Variants in SEMA3E observed in about 807,000 individuals in gnomAD.
SEMA3E encodes semaphorin-3E.
Under a neutral mutation model 93.6 loss-of-function variants are expected in SEMA3E, and 49 were observed. That is an observed-to-expected ratio of 0.52 (90% CI 0.42 to 0.66). The LOEUF (loss-of-function observed/expected upper bound fraction) is 0.66, where lower values mean the gene tolerates loss of function less well. SEMA3E is among the 30% of genes least tolerant of loss of function. The pLI, the probability that SEMA3E is intolerant of heterozygous loss-of-function variation, is 0.00. For missense variants in SEMA3E, 906 were observed against 964.8 expected (o/e 0.94, Z 0.81); for synonymous variants, 363 against 330.7 (o/e 1.10, Z -1.06).
chr7:83,457,189 G>A (rs754707412), intron 4 of SEMA3E, among the ~76,000 whole-genome samples: 3 of 152,066 alleles, frequency 2.0e-5, no homozygotes, highest in Non-Finnish European at 4.4e-5. Context: ...GAAAGTGAGA[G>A]TGAGAAAAGA....
At chr7:83,615,540 G>T (rs553864844) in intron 1 of SEMA3E, among the ~76,000 whole-genome samples, 2 of 152,006 alleles carry the variant, frequency 1.3e-5, no homozygotes, top group African/African-American at 4.8e-5. Flanking sequence ...GAAGAAAGAT[G>T]TTTTTATTTT....
intron 4 of SEMA3E, among the ~76,000 whole-genome samples, chr7:83,446,679 G>A (rs2713175): frequency 0.98 from 149,268 of 152,334 alleles, 73,209 homozygotes; most frequent in Middle Eastern, 1. Context: ...GTTTTACAAA[G>A]TGCATCAATA....
At chr7:83,453,052 G>C (rs1328432741) in intron 4 of SEMA3E, among the ~76,000 whole-genome samples, 1 of 151,908 alleles carries the variant, frequency 6.6e-6, no homozygotes, top group Non-Finnish European at 1.5e-5. Flanking sequence ...ATTTGAGATG[G>C]AGTCTTACTC....
At chr7:83,622,873 G>C (rs1176187104) in intron 1 of SEMA3E, among the ~76,000 whole-genome samples, 1 of 151,602 alleles carries the variant, frequency 6.6e-6, no homozygotes, top group African/African-American at 2.4e-5. Context: ...AACAACTAAT[G>C]GGTGCTGGGC....
intron 1 of SEMA3E, among the ~76,000 whole-genome samples, chr7:83,623,681 T>C (rs190885712): frequency 5.3e-5 from 8 of 152,288 alleles, no homozygotes; most frequent in Admixed American, 2.0e-4. Context: ...ACCATATTTT[T>C]AGAACACAAT....
chr7:83,449,664 C>T (rs1024160887), intron 4 of SEMA3E, among the ~76,000 whole-genome samples: 3 of 152,070 alleles, frequency 2.0e-5, no homozygotes, highest in African/African-American at 4.8e-5. Flanking sequence ...TCGGACTTAA[C>T]TTGATTGTCA....
At chr7:83,451,621 T>C (rs1291310069) in intron 4 of SEMA3E, among the ~76,000 whole-genome samples, 3 of 152,224 alleles carry the variant, frequency 2.0e-5, no homozygotes, top group Non-Finnish European at 1.5e-5. Flanking sequence ...GCAAAAAGCC[T>C]GGGTGCAAGT....
chr7:83,623,331 T>C (rs932722161), intron 1 of SEMA3E, among the ~76,000 whole-genome samples: 1 of 152,062 alleles, frequency 6.6e-6, no homozygotes, highest in Non-Finnish European at 1.5e-5. Context: ...TGAGATAAAA[T>C]GGAGGAAGCA....
At chr7:83,377,345 C>T (rs2099832518) in intron 16 of SEMA3E, among the ~76,000 whole-genome samples, 1 of 151,862 alleles carries the variant, frequency 6.6e-6, no homozygotes, top group Admixed American at 6.6e-5. Context: ...TTCATTTCAG[C>T]CTTTAAATCA....
At chr7:83,497,376 G>A (rs1790508950) in intron 1 of SEMA3E, among the ~76,000 whole-genome samples, 1 of 152,088 alleles carries the variant, frequency 6.6e-6, no homozygotes, top group Non-Finnish European at 1.5e-5. Flanking sequence ...CACCTGCCAA[G>A]TAAAGACTTC....
chr7:83,459,631 T>A (rs990171068), intron 4 of SEMA3E, among the ~76,000 whole-genome samples: 1 of 152,198 alleles, frequency 6.6e-6, no homozygotes, highest in African/African-American at 2.4e-5. Flanking sequence ...TTAGTTAATC[T>A]ACAACTAGGA....
At chr7:83,588,923 G>A (rs1021418261) in intron 1 of SEMA3E, among the ~76,000 whole-genome samples, 2 of 152,020 alleles carry the variant, frequency 1.3e-5, no homozygotes, top group African/African-American at 4.8e-5. Context: ...CCCAAGAAAG[G>A]CTGAAAAGCT....
chr7:83,629,879 C>A (rs182383529), intron 1 of SEMA3E, among the ~76,000 whole-genome samples: 59 of 152,310 alleles, frequency 3.9e-4, no homozygotes, highest in African/African-American at 1.4e-3. Flanking sequence ...GCCCACACAG[C>A]CACCCAGCTT....
chr7:83,596,286 A>C (rs1792870543), intron 1 of SEMA3E, among the ~76,000 whole-genome samples: 1 of 151,828 alleles, frequency 6.6e-6, no homozygotes, highest in Non-Finnish European at 1.5e-5. Context: ...TTTTGAGCAC[A>C]TTAATGCTCT....
rs1794651753 is a variant in SEMA3E at position 83,365,430 on chromosome 7, TA to T, written c.*2155del. 1 of 152,212 alleles carries T rather than the reference TA, an allele frequency of 6.6e-6. No individual in the cohort carries two copies. The highest frequency in any genetic ancestry group is 2.4e-5 in the African/African-American group (1 of 41,460). The allele number at this position is 152,212 out of a possible 1,614,324, so 9.4% of individuals were successfully genotyped here. ...AATTTTCTTTCAAATTAGCATTGAA[TA>T]AACTTTCTTTGGGTTTGATTTATTT... On this transcript the variant is annotated 3_prime_UTR_variant, in exon 17 of 17. Coordinates refer to ENST00000643230, the MANE Select transcript of SEMA3E (RefSeq NM_012431.3).
rs149321315 is a variant in SEMA3E at position 83,649,051 on chromosome 7, G to A, written c.-509C>T. 1.2e-5 allele frequency: 2 copies of A among 164,724 alleles called. No individual in the cohort carries two copies. The highest frequency in any genetic ancestry group is 4.8e-5 in the African/African-American group (2 of 41,640). 10.2% of individuals were successfully genotyped at this position (164,724 alleles called of 1,614,324 possible). On this transcript the variant is annotated 5_prime_UTR_variant, in exon 1 of 17. Coordinates refer to ENST00000643230, the MANE Select transcript of SEMA3E (RefSeq NM_012431.3). The stretch of plus-strand genomic sequence containing the variant: ...CTTTCACCTTGCTAATTAAAAACAA[G>A]AAGTGCCATTCCCTCTAGGAGTCGC...
intron 4 of SEMA3E, among the ~76,000 whole-genome samples, chr7:83,460,029 G>C (rs537169506): frequency 1.3e-5 from 2 of 151,972 alleles, no homozygotes; most frequent in African/African-American, 4.8e-5. Context: ...CTCTCTTTTC[G>C]GACTCAGCCC....
Position 83,541,582 on chromosome 7 carries a change from G to T in SEMA3E, c.116-51308C>A, listed in dbSNP as rs367918871. Among the ~76,000 whole-genome samples, 9 of 152,236 alleles carry T rather than the reference G, an allele frequency of 5.9e-5. 1 individual carries two copies. Among genetic ancestry groups the T allele is most frequent in the Admixed American group, 6.5e-5 (1 of 15,282 alleles). On this transcript the variant is annotated intron_variant, in intron 1 of 16. Transcript: ENST00000643230. ...CTGAGAACCATCCTCAAAGGCCAAC[G>T]AAGCAGCAACAAGATAATAACGGGA...
At chr7:83,450,707 CTTTT>C (rs74273002) in intron 4 of SEMA3E, among the ~76,000 whole-genome samples, 15,620 of 151,832 alleles carry the variant, frequency 0.1, 972 homozygotes, top group Non-Finnish European at 0.14. Context: ...CATAGGTTAT[CTTTT>C]TTTGTCTGTA....
Sources: allele counts gnomAD v4.1 joint callset (sites outside exome capture counted in the v4.1 genomes callset), GRCh38; gene constraint gnomAD v4.1.1; transcripts MANE v1.5; gene names NCBI Gene and HGNC (gene_info 2026-07-23, HGNC 2026-07-21).